The following DOK6 variants were observed in gnomAD, a reference collection of about 807,000 sequenced individuals.
The protein encoded by DOK6 is docking protein 6.
A neutral mutation model predicts 44.0 loss-of-function variants in DOK6; 22 were observed. The ratio of observed to expected loss-of-function variants is 0.50; its 90% CI spans 0.36 to 0.71. The LOEUF is 0.71. Among genes scored for constraint, DOK6 ranks in the 30% least tolerant of loss-of-function variants. The pLI is 0.00. For missense variants in DOK6, 340 were observed against 416.4 expected (o/e 0.82, Z 1.60); for synonymous variants, 166 against 145.5 (o/e 1.14, Z -1.01).
chr18:69,540,044 GC>G (rs1982228535), intron 1 of DOK6, among the ~76,000 whole-genome samples: 1 of 18,352 alleles, frequency 5.4e-5, no homozygotes, highest in Non-Finnish European at 1.1e-4. Context: ...ACTGTCAAAT[GC>G]TGTCAAATGC....
chr18:69,665,818 G>C (rs1181682266), intron 3 of DOK6, among the ~76,000 whole-genome samples: 3 of 150,114 alleles, frequency 2.0e-5, no homozygotes, highest in Non-Finnish European at 4.4e-5. Flanking sequence ...TTTTTTTCTA[G>C]AAGTACTTCT....
At position 69,776,247 on chromosome 18, in the gene DOK6, T is replaced by G. The variant is rs1980057938; in HGVS notation, c.856+18374T>G. ...ATTGCTTTTAAACATTCTTGGAACA[T>G]TAACAAAATTTGACAACATAAGATG... On this transcript the variant is annotated intron_variant, in intron 7 of 7. Coordinates refer to ENST00000382713, the MANE Select transcript of DOK6 (RefSeq NM_152721.6). 2.0e-5 allele frequency among the ~76,000 whole-genome samples: 3 copies of G among 152,044 alleles called. No individual in the cohort carries two copies. In the South Asian group the frequency reaches 6.2e-4, roughly 32 times the overall value.
chr18:69,641,042 CA>C (rs1984927802), intron 3 of DOK6, among the ~76,000 whole-genome samples: 1 of 151,796 alleles, frequency 6.6e-6, no homozygotes, highest in Non-Finnish European at 1.5e-5. Context: ...ATAGTAAAAC[CA>C]CGTCTCTACT....
intron 1 of DOK6, among the ~76,000 whole-genome samples, chr18:69,563,541 T>C (rs1051563474): frequency 4.0e-5 from 6 of 149,396 alleles, no homozygotes; most frequent in African/African-American, 1.5e-4. Context: ...CTCAGCAAAC[T>C]ATCACAAGGA....
intron 7 of DOK6, among the ~76,000 whole-genome samples, chr18:69,765,061 T>C (rs530072430): frequency 1.8e-4 from 28 of 152,332 alleles, no homozygotes; most frequent in African/African-American, 6.5e-4. Context: ...CAGAAAATGG[T>C]AAATAGAGTT....
At chr18:69,534,500 T>C (rs1490181328) in intron 1 of DOK6, among the ~76,000 whole-genome samples, 1 of 152,144 alleles carries the variant, frequency 6.6e-6, no homozygotes, top group Non-Finnish European at 1.5e-5. Context: ...CTTCTAAATT[T>C]TTTTTAATTT....
intron 1 of DOK6, among the ~76,000 whole-genome samples, chr18:69,455,156 C>CAAAAAAAAAAAAAAAAA (rs58451274): frequency 3.2e-4 from 38 of 117,416 alleles, no homozygotes; most frequent in Middle Eastern, 4.8e-3. Context: ...ATAGCTATAG[C>CAAAAAAAAAAAAAAAAA]AAAAAAAAAA....
intron 7 of DOK6, among the ~76,000 whole-genome samples, chr18:69,802,655 G>A (rs1458818160): frequency 6.6e-6 from 1 of 152,040 alleles, no homozygotes; most frequent in Non-Finnish European, 1.5e-5. Context: ...ACGAAATCAG[G>A]TTATTTAAGA....
chr18:69,677,830 C>T lies in DOK6; in HGVS notation c.386C>T (p.Ala129Val). The T allele has an allele frequency of 1.9e-6, 3 of 1,613,704 alleles. No homozygotes were observed. The highest frequency in any genetic ancestry group is 2.5e-6 in the Non-Finnish European group (3 of 1,179,780). Residue 129 changes from alanine (A) to valine (V), a missense_variant, in exon 4 of 8, where the codon GCA (alanine) becomes GTA (valine). This residue lies in a region of DOK6 where 206 missense variants were observed against 258.6 expected (regional missense o/e 0.80). Transcript: ENST00000382713. Reference sequence around the variant, plus strand: ...CTTGGGGAGCCCGACCTTCTGGCCGCAGGAGTGCAGCGGGAACAGAATGGT... The same window carrying T: ...CTTGGGGAGCCCGACCTTCTGGCCGTAGGAGTGCAGCGGGAACAGAATGGT... ...ISLGEPDLLA[A>V]GVQREQNERF...
Position 69,817,191 on chromosome 18 carries a change from G to GTTCAGTAAA in DOK6, c.857-24051_857-24043dup, listed in dbSNP as rs372151942. ...ACATTTTTATACAACTATGGCAGCTGTTCAGTAAATGTTTACGTCTTGAAC... is the reference window on the plus strand; with the variant it reads ...ACATTTTTATACAACTATGGCAGCTGTTCAGTAAATTCAGTAAATGTTTACGTCTTGAAC... On this transcript the variant is annotated intron_variant, in intron 7 of 7. Coordinates refer to ENST00000382713, the MANE Select transcript of DOK6 (RefSeq NM_152721.6). Among the ~76,000 whole-genome samples the GTTCAGTAAA allele has an allele frequency of 6.4e-4, 97 of 152,058 alleles. 2 individuals are homozygous for GTTCAGTAAA. The highest frequency in any genetic ancestry group is 2.1e-3 in the African/African-American group (87 of 41,456).
chr18:69,758,242 A>G (rs1979425128), intron 7 of DOK6, among the ~76,000 whole-genome samples: 1 of 152,188 alleles, frequency 6.6e-6, no homozygotes, highest in Non-Finnish European at 1.5e-5. Context: ...AAAGGATTCA[A>G]TATCAGTTCA....
chr18:69,777,836 A>C (rs1429306093), intron 7 of DOK6: 1 of 152,112 alleles, frequency 6.6e-6, no homozygotes, highest in Non-Finnish European at 1.5e-5. Context: ...AAATCAACAA[A>C]GGGAAACATG....
intron 3 of DOK6, among the ~76,000 whole-genome samples, chr18:69,620,231 A>T (rs1428899161): frequency 2.6e-5 from 4 of 152,146 alleles, no homozygotes; most frequent in Non-Finnish European, 5.9e-5. Flanking sequence ...GCATTTTCTG[A>T]AATTTATATA....
Position 69,669,680 on chromosome 18 carries a change from C to CTCT in DOK6, c.290-8054_290-8053insTCT, listed in dbSNP as rs1568328332. Among the ~76,000 whole-genome samples the CTCT allele has an allele frequency of 1.3e-4, 19 of 151,878 alleles. No individual in the cohort carries two copies. The South Asian group carries it at 1.9e-3, about 15-fold the overall frequency. Reference sequence around the variant, plus strand: ...CGGACCCCTTCCCGCACCCCCCCGCCGACCCTCCTGGCTCTTGTTCTTGGT... The same window carrying CTCT: ...CGGACCCCTTCCCGCACCCCCCCGCCTCTGACCCTCCTGGCTCTTGTTCTTGGT... On this transcript the variant is annotated intron_variant, in intron 3 of 7. Transcript: ENST00000382713.
At chr18:69,838,426 G>T (rs1443708433) in intron 7 of DOK6, among the ~76,000 whole-genome samples, 2 of 152,102 alleles carry the variant, frequency 1.3e-5, no homozygotes, top group Non-Finnish European at 2.9e-5. Context: ...TATCAGCTTA[G>T]TGTATCAGAA....
chr18:69,447,803 G>A (rs1197986460), intron 1 of DOK6, among the ~76,000 whole-genome samples: 4 of 152,148 alleles, frequency 2.6e-5, no homozygotes, highest in African/African-American at 7.2e-5. Context: ...GGTATAAACA[G>A]ATATTTTAAA....
At chr18:69,423,349 C>G (rs1044253337) in intron 1 of DOK6, among the ~76,000 whole-genome samples, 32 of 151,972 alleles carry the variant, frequency 2.1e-4, no homozygotes, top group African/African-American at 7.7e-4. Context: ...AATTGAAGAC[C>G]CATTTGAACC....
intron 7 of DOK6, among the ~76,000 whole-genome samples, chr18:69,826,891 T>C (rs1297165799): frequency 2.6e-5 from 4 of 152,188 alleles, no homozygotes; most frequent in African/African-American, 9.6e-5. Context: ...TATAGATCTG[T>C]ATCCACAATT....
chr18:69,666,013 G>A (rs1756172150), intron 3 of DOK6, among the ~76,000 whole-genome samples: 1 of 152,152 alleles, frequency 6.6e-6, no homozygotes, highest in Admixed American at 6.6e-5. Context: ...TTAAGAAAGG[G>A]CATGTAGCTC....
Sources: allele counts gnomAD v4.1 joint callset (sites outside exome capture counted in the v4.1 genomes callset), GRCh38; gene constraint gnomAD v4.1.1; regional missense constraint gnomAD v4.1.1; transcripts MANE v1.5; gene names NCBI Gene and HGNC (gene_info 2026-07-23, HGNC 2026-07-21).